Variants in MX1 observed in about 807,000 individuals in gnomAD.
MX1 encodes MX dynamin like GTPase 1, also known as interferon-induced GTP-binding protein Mx1.
Under a neutral mutation model 66.4 loss-of-function variants are expected in MX1, and 66 were observed. That is an observed-to-expected ratio of 0.99 (90% CI 0.82 to 1.22). The LOEUF is 1.22. Among genes scored for constraint, MX1 ranks in the 50% most tolerant of loss-of-function variants. MX1 has a pLI of 0.00. For missense variants in MX1, 787 were observed against 834.3 expected (o/e 0.94, Z 0.70); for synonymous variants, 311 against 318.1 (o/e 0.98, Z 0.24).
chr21:41,449,364 C>A, intron 14 of MX1, 69 bp downstream of exon 14: 2 of 1,520,482 alleles, frequency 1.3e-6, no homozygotes, highest in Non-Finnish European at 1.8e-6. Flanking sequence ...AAAGCCAGCA[C>A]CAAACTTCAG....
At chr21:41,451,942 A>C (rs2090843163) in intron 15 of MX1, among the ~76,000 whole-genome samples, 1 of 151,736 alleles carries the variant, frequency 6.6e-6, no homozygotes, top group East Asian at 1.9e-4. Flanking sequence ...AGACTTAGCC[A>C]CTCTTAGAAA....
chr21:41,433,401 T>C (rs561120535), intron 5 of MX1, among the ~76,000 whole-genome samples: 1 of 152,322 alleles, frequency 6.6e-6, no homozygotes, highest in Admixed American at 6.5e-5. Flanking sequence ...ACTCAGACCC[T>C]GTCTACGTGC....
At chr21:41,432,576 C>G (rs2090250108) in intron 5 of MX1, among the ~76,000 whole-genome samples, 1 of 152,098 alleles carries the variant, frequency 6.6e-6, no homozygotes, top group Non-Finnish European at 1.5e-5. Context: ...AATTTTTTGC[C>G]CAGAATCAAG....
chr21:41,455,214 C>A lies in MX1; in HGVS notation c.1758+2345C>A, dbSNP rs543071559. On this transcript the variant is annotated intron_variant, in intron 16 of 16. Coordinates refer to ENST00000398598, the MANE Select transcript of MX1 (RefSeq NM_002462.5). ...CGTGAGCCACCATGCCTGGCCTCTGCATTTCTAACGGGCTCTCAGGGGTCA... is the reference window on the plus strand; with the variant it reads ...CGTGAGCCACCATGCCTGGCCTCTGAATTTCTAACGGGCTCTCAGGGGTCA... 7.6e-4 allele frequency among the ~76,000 whole-genome samples: 116 copies of A among 152,258 alleles called. 2 individuals are homozygous for A. The highest frequency in any genetic ancestry group is 9.1e-4 in the Non-Finnish European group (62 of 68,000).
At position 41,459,015 on chromosome 21, in the gene MX1, C is replaced by T; in HGVS notation, c.*257C>T. 1.7e-6 allele frequency: 1 copy of T among 597,938 alleles called. No homozygotes were observed. 37.0% of individuals were successfully genotyped at this position (597,938 alleles called of 1,614,324 possible). On this transcript the variant is annotated 3_prime_UTR_variant, in exon 17 of 17. Transcript: ENST00000398598. ...TTCGTACTGGGAAAGGGATTTTCAGCCCTCAGAATCGCTCCACCTTGCAGC... is the reference window on the plus strand; with the variant it reads ...TTCGTACTGGGAAAGGGATTTTCAGTCCTCAGAATCGCTCCACCTTGCAGC...
At chr21:41,453,548 T>A (rs2090887078) in intron 16 of MX1, among the ~76,000 whole-genome samples, 2 of 152,156 alleles carry the variant, frequency 1.3e-5, no homozygotes. Context: ...GTGTGGATGA[T>A]GATAATGGAT....
chr21:41,438,801 C>T (rs750833779), intron 7 of MX1, among the ~76,000 whole-genome samples: 5 of 152,158 alleles, frequency 3.3e-5, no homozygotes, highest in Non-Finnish European at 5.9e-5. Context: ...AGTCTGAAGG[C>T]GGGCAGACCA....
Position 41,449,187 on chromosome 21 carries a change from G to A in MX1, c.1324G>A (p.Gly442Ser), listed in dbSNP as rs1466000496. The change falls in exon 14 of 17, where the codon GGT becomes AGT. Residue 442 changes from glycine to serine, a missense_variant. By Grantham distance (56) the Gly-to-Ser change is moderately conservative (BLOSUM62 0). Coordinates refer to ENST00000398598, the MANE Select transcript of MX1 (RefSeq NM_002462.5). ...KIQKFENQYR[G>S]RELPGFVNYR... is the part of the protein sequence containing the mutation. The stretch of plus-strand genomic sequence containing the variant: ...CCAGAAATTTGAAAATCAGTATCGT[G>A]GTAGAGAGCTGCCAGGCTTTGTGAA... The A allele has an allele frequency of 6.2e-7, 1 of 1,613,912 alleles. No individual in the cohort carries two copies. The highest frequency in any genetic ancestry group is 8.5e-7 in the Non-Finnish European group (1 of 1,179,968).
intron 5 of MX1, among the ~76,000 whole-genome samples, chr21:41,432,900 A>G (rs527903948): frequency 3.3e-5 from 5 of 152,316 alleles, no homozygotes; most frequent in African/African-American, 1.2e-4. Context: ...AAGCGTTTAG[A>G]AAAATACAGA....
chr21:41,441,712 G>A lies in MX1; in HGVS notation c.731-4G>A, dbSNP rs370698215. Reference sequence around the variant, plus strand: ...TTCTCTCCCCAAATACATCTGGCTCGCAGGAATCTTGACGAAGCCTGATCT... The same window carrying A: ...TTCTCTCCCCAAATACATCTGGCTCACAGGAATCTTGACGAAGCCTGATCT... On this transcript the variant is annotated splice_region_variant and splice_polypyrimidine_tract_variant and intron_variant, in intron 9 of 16. Coordinates refer to ENST00000398598, the MANE Select transcript of MX1 (RefSeq NM_002462.5). The surrounding 1 kb of genome is among the most constrained non-coding windows in gnomAD (Gnocchi z 4.0). 141 of 1,613,974 alleles carry A rather than the reference G, an allele frequency of 8.7e-5. No homozygotes were observed. Among genetic ancestry groups the A allele is most frequent in the South Asian group, 8.7e-4 (79 of 91,088 alleles).
intron 5 of MX1, among the ~76,000 whole-genome samples, chr21:41,432,982 T>C (rs1601478559): frequency 1.3e-5 from 2 of 152,252 alleles, no homozygotes; most frequent in South Asian, 4.1e-4. Context: ...GGTGCGTCTC[T>C]TGTCTGGCTG....
At chr21:41,433,031 ACT>A (rs1292934557) in intron 5 of MX1, among the ~76,000 whole-genome samples, 1 of 151,864 alleles carries the variant, frequency 6.6e-6, no homozygotes, top group Non-Finnish European at 1.5e-5. Flanking sequence ...GGCAGGAGGA[ACT>A]CTCACCCACT....
At chr21:41,455,223 C>T (rs746859474) in intron 16 of MX1, among the ~76,000 whole-genome samples, 2 of 152,128 alleles carry the variant, frequency 1.3e-5, no homozygotes, top group South Asian at 4.1e-4. Context: ...GCATTTCTAA[C>T]GGGCTCTCAG....
Position 41,443,772 on chromosome 21 carries a change from C to T in MX1, c.930-16C>T. The stretch of plus-strand genomic sequence containing the variant: ...GGCTACATCAAGGTGGAAATCGGTC[C>T]TGTGTTCTCTTCTAGGGATCTGCTG... On this transcript the variant is annotated splice_polypyrimidine_tract_variant and intron_variant, in intron 10 of 16. Coordinates refer to ENST00000398598, the MANE Select transcript of MX1 (RefSeq NM_002462.5). 6.2e-7 allele frequency: 1 copy of T among 1,613,884 alleles called. No individual in the cohort carries two copies. Among genetic ancestry groups the T allele is most frequent in the South Asian group, 1.1e-5 (1 of 91,076 alleles).
chr21:41,422,982 G>A (rs1254337868), upstream of MX1: 1 of 152,306 alleles, frequency 6.6e-6, no homozygotes, highest in Non-Finnish European at 1.5e-5. Context: ...CTCCCAAGAG[G>A]GTGGCGGGCC....
chr21:41,452,951 C>T (rs1296748879), intron 16 of MX1, 82 bp downstream of exon 16: 1 of 1,519,766 alleles, frequency 6.6e-7, no homozygotes, highest in Non-Finnish European at 8.9e-7. Flanking sequence ...CTTGCTCTCT[C>T]TGTAGGTGAC....
At chr21:41,437,451 C>A (rs1472504485) in intron 7 of MX1, among the ~76,000 whole-genome samples, 4 of 151,088 alleles carry the variant, frequency 2.6e-5, no homozygotes, top group Admixed American at 6.6e-5. Flanking sequence ...CCAGCCAGGG[C>A]AACATAGTGA....
At chr21:41,421,241 C>G (rs941232433), upstream of MX1, 1 of 152,308 alleles carries the variant, frequency 6.6e-6, no homozygotes, top group African/African-American at 2.4e-5. Context: ...GCCTGCATGT[C>G]CCACCTCCAG....
chr21:41,454,164 T>G (rs2090903791), intron 16 of MX1, among the ~76,000 whole-genome samples: 1 of 152,192 alleles, frequency 6.6e-6, no homozygotes, highest in African/African-American at 2.4e-5. Context: ...TTTCAAAATA[T>G]GTCCACAAAA....
Sources: allele counts gnomAD v4.1 joint callset (sites outside exome capture counted in the v4.1 genomes callset), GRCh38; gene constraint gnomAD v4.1.1; non-coding constraint Gnocchi (gnomAD v3.1); transcripts MANE v1.5; gene names NCBI Gene and HGNC (gene_info 2026-07-23, HGNC 2026-07-21).